The following HDLBP variants were observed in gnomAD, a reference collection of about 807,000 sequenced individuals.
HDLBP encodes high density lipoprotein binding protein.
Under a neutral mutation model 137.3 loss-of-function variants are expected in HDLBP, and 30 were observed. The observed-to-expected ratio is 0.22, with a 90% confidence interval of 0.16 to 0.30. The LOEUF (loss-of-function observed/expected upper bound fraction) is 0.30. Ranked by LOEUF, HDLBP falls within the 10% of genes least tolerant of loss-of-function variation. The pLI is 1.00. For missense variants in HDLBP, 1,119 were observed against 1,667.3 expected (o/e 0.67, Z 5.73); for synonymous variants, 606 against 596.0 (o/e 1.02, Z -0.24).
chr2:241,267,901 G>A lies in HDLBP; in HGVS notation c.-38+576C>T, dbSNP rs914313668. 29 of 985,264 alleles carry A rather than the reference G, an allele frequency of 2.9e-5. No individual in the cohort carries two copies. The South Asian group carries it at 3.3e-4, about 11-fold the overall frequency. The allele number at this position is 985,264 out of a possible 1,614,324, so 61.0% of individuals were successfully genotyped here. A position where few individuals can be genotyped will look rare whatever the true frequency, so the allele number is the denominator to read the frequency against. ...CATTAGCACAGCCACAGTGCTCAGC[G>A]GGATATGGGCTCCGAAAGCCACAGC... On this transcript the variant is annotated intron_variant, in intron 2 of 27. Coordinates refer to ENST00000310931, the MANE Select transcript of HDLBP (RefSeq NM_005336.6).
At chr2:241,232,120 C>G (rs1263282420) in intron 24 of HDLBP, among the ~76,000 whole-genome samples, 2 of 152,206 alleles carry the variant, frequency 1.3e-5, no homozygotes, top group South Asian at 2.1e-4. Context: ...CCCAGCAGAG[C>G]TGACAGCCTC....
rs750689494 is a variant in HDLBP at position 241,233,361 on chromosome 2, G to C, written c.3288+459C>G. On this transcript the variant is annotated intron_variant, in intron 24 of 27. Transcript: ENST00000310931. The surrounding 1 kb of genome is among the most constrained non-coding windows in gnomAD (Gnocchi z 4.3). ...GGCAGGGGGGTGGCACTGCAATTTG[G>C]AGGAAGTAACAACAAGAGTTTACTA... Among the ~76,000 whole-genome samples, 19 of 152,176 alleles carry C rather than the reference G, an allele frequency of 1.2e-4. No homozygotes were observed. The highest frequency in any genetic ancestry group is 1.2e-3 in the South Asian group (6 of 4,812).
chr2:241,293,165 T>G (rs1004650045), intron 1 of HDLBP, among the ~76,000 whole-genome samples: 4 of 122,086 alleles, frequency 3.3e-5, no homozygotes, highest in African/African-American at 1.4e-4. Flanking sequence ...AGATGTAAAG[T>G]GAAAACCAAA....
chr2:241,236,846 G>C, intron 20 of HDLBP, 77 bp from the exon 21 acceptor site: 1 of 1,471,396 alleles, frequency 6.8e-7, no homozygotes. Context: ...GCATATGTCT[G>C]TGAGGCACCT....
intron 20 of HDLBP, among the ~76,000 whole-genome samples, chr2:241,237,933 G>A (rs368324984): frequency 6.6e-6 from 1 of 152,222 alleles, no homozygotes. Flanking sequence ...GGCTGTGTGT[G>A]ACATGCTTCC....
At position 241,267,461 on chromosome 2, in the gene HDLBP, G is replaced by A. The variant is rs374562468; in HGVS notation, c.-37-555C>T. 640 of 928,092 alleles carry A rather than the reference G, an allele frequency of 6.9e-4. 7 individuals are homozygous for A. The South Asian group carries it at 8.8e-3, about 13-fold the overall frequency. 57.5% of individuals were successfully genotyped at this position (928,092 alleles called of 1,614,324 possible). A position where few individuals can be genotyped will look rare whatever the true frequency, so the allele number is the denominator to read the frequency against. On this transcript the variant is annotated intron_variant, in intron 2 of 27. Transcript: ENST00000310931. ...AGTCAACACCACCCCTAACCGCAGG[G>A]GTGGGGGGACCATGGAACCTGCCAC... is the stretch of plus-strand genomic sequence containing the variant.
intron 5 of HDLBP, among the ~76,000 whole-genome samples, chr2:241,259,209 T>C (rs528107080): frequency 1.3e-5 from 2 of 152,200 alleles, no homozygotes; most frequent in East Asian, 3.9e-4. Flanking sequence ...AAGCAAGGCA[T>C]AGAACAGGGT....
intron 1 of HDLBP, among the ~76,000 whole-genome samples, chr2:241,274,630 A>G (rs537511920): frequency 5.3e-5 from 8 of 152,350 alleles, no homozygotes; most frequent in African/African-American, 4.8e-5. Context: ...AGGACACCGT[A>G]AAGAGTTAGT....
chr2:241,292,968 G>A (rs888582152), intron 1 of HDLBP, among the ~76,000 whole-genome samples: 1 of 152,078 alleles, frequency 6.6e-6, no homozygotes, highest in Admixed American at 6.5e-5. Flanking sequence ...GGGGAGGCTG[G>A]GGCTGCAGTG....
intron 14 of HDLBP, chr2:241,247,383 C>T: frequency 1.9e-6 from 1 of 521,934 alleles, no homozygotes; most frequent in Non-Finnish European, 3.5e-6. Context: ...ATGTCCCATG[C>T]CAGGATCAGA....
At chr2:241,299,169 G>A (rs563708444) in intron 1 of HDLBP, among the ~76,000 whole-genome samples, 1 of 152,274 alleles carries the variant, frequency 6.6e-6, no homozygotes, top group Admixed American at 6.5e-5. Context: ...TGTAAATTCA[G>A]GATCGTTTTT....
At position 241,249,999 on chromosome 2, in the gene HDLBP, A is replaced by G; in HGVS notation, c.1373-19T>C. 1.9e-6 allele frequency: 3 copies of G among 1,593,356 alleles called. No homozygotes were observed. The highest frequency in any genetic ancestry group is 2.6e-6 in the Non-Finnish European group (3 of 1,171,184). The stretch of plus-strand genomic sequence containing the variant: ...CTGTTTACTTAGGAACACAAAAGGA[A>G]ACACATTTAGGACACAGACCAACAA... On this transcript the variant is annotated intron_variant, in intron 11 of 27. Coordinates refer to ENST00000310931, the MANE Select transcript of HDLBP (RefSeq NM_005336.6).
intron 23 of HDLBP, 44 bp from the exon 24 acceptor site, chr2:241,234,007 C>G: frequency 6.2e-7 from 1 of 1,609,872 alleles, no homozygotes; most frequent in Non-Finnish European, 8.5e-7. Flanking sequence ...TTGAGCTGAT[C>G]CACCCTGTGA....
intron 1 of HDLBP, among the ~76,000 whole-genome samples, chr2:241,276,765 AATAAC>A: frequency 6.6e-6 from 1 of 152,320 alleles, no homozygotes; most frequent in Non-Finnish European, 1.5e-5. Context: ...ACATGTATCT[AATAAC>A]ATAGCTGCAA....
chr2:241,301,261 A>G (rs1575050682), intron 1 of HDLBP, among the ~76,000 whole-genome samples: 1 of 151,860 alleles, frequency 6.6e-6, no homozygotes, highest in South Asian at 2.1e-4. Flanking sequence ...TGCTGGGATT[A>G]CAGGCATGAG....
intron 1 of HDLBP, among the ~76,000 whole-genome samples, chr2:241,311,833 A>C (rs375954093): frequency 1.3e-5 from 2 of 152,252 alleles, no homozygotes; most frequent in East Asian, 1.9e-4. Context: ...AATTAAGGAT[A>C]TATCACTTTG....
At chr2:241,269,713 G>C (rs1318100604) in intron 1 of HDLBP, among the ~76,000 whole-genome samples, 1 of 152,194 alleles carries the variant, frequency 6.6e-6, no homozygotes, top group African/African-American at 2.4e-5. Context: ...AAAGATTAAA[G>C]TAAGAAAATT....
At chr2:241,259,195 A>C (rs1037641113) in intron 5 of HDLBP, among the ~76,000 whole-genome samples, 7 of 152,312 alleles carry the variant, frequency 4.6e-5, no homozygotes, top group African/African-American at 1.7e-4. Flanking sequence ...TAATAAAAGA[A>C]AAAAAGCAAG....
chr2:241,272,722 C>A lies in HDLBP; in HGVS notation c.-102-4181G>T. The A allele has an allele frequency of 1.8e-6, 1 of 542,176 alleles. No individual in the cohort carries two copies. Among genetic ancestry groups the A allele is most frequent in the Non-Finnish European group, 2.3e-6 (1 of 428,954 alleles). 33.6% of individuals were successfully genotyped at this position (542,176 alleles called of 1,614,324 possible). On this transcript the variant is annotated intron_variant, in intron 1 of 27. Coordinates refer to ENST00000310931, the MANE Select transcript of HDLBP (RefSeq NM_005336.6). The surrounding 1 kb of genome is among the most constrained non-coding windows in gnomAD (Gnocchi z 5.6). ...CGGCAGCCCGCCCGCCCCGTCCGCC[C>A]GCCCGCCCAGGCCTCCCAGCCCCGT... is the stretch of plus-strand genomic sequence containing the variant.
Sources: gnomAD v4.1 joint callset for allele counts (sites outside exome capture counted in the v4.1 genomes callset) on GRCh38, gnomAD v4.1.1 for gene constraint, Gnocchi (gnomAD v3.1) non-coding constraint, MANE v1.5 for transcripts, NCBI Gene and HGNC (gene_info 2026-07-23, HGNC 2026-07-21) for gene names.